Variants in KIZ observed in about 807,000 individuals in gnomAD.
The protein encoded by KIZ is centrosomal protein kizuna.
Under a neutral mutation model 79.6 loss-of-function variants are expected in KIZ, and 68 were observed. That is an observed-to-expected ratio of 0.85 (90% CI 0.70 to 1.05). The LOEUF (loss-of-function observed/expected upper bound fraction) is 1.05, where lower values mean the gene tolerates loss of function less well. KIZ is among the 50% of genes least tolerant of loss of function. KIZ has a pLI of 0.00. For missense variants in KIZ, 797 were observed against 800.4 expected, an observed-to-expected ratio of 1.00 and a Z score of 0.05; for synonymous variants, 280 against 281.8, an observed-to-expected ratio of 0.99 and a Z score of 0.06.
chr20:21,190,462 G>A (rs1049314652), intron 6 of KIZ, among the ~76,000 whole-genome samples: 1 of 152,212 alleles, frequency 6.6e-6, no homozygotes, highest in African/African-American at 2.4e-5. Flanking sequence ...CTGGTTCCCA[G>A]TTGAATTTGT....
chr20:21,188,680 A>ATTTTATTTTATTTTAT (rs370991786), intron 6 of KIZ, among the ~76,000 whole-genome samples: 5 of 145,488 alleles, frequency 3.4e-5, no homozygotes, highest in African/African-American at 1.3e-4. Context: ...ATTTTATTTT[A>ATTTTATTTTATTTTAT]TTTATTTATT....
chr20:21,166,070 A>G (rs2033918201), intron 6 of KIZ: 3 of 618,494 alleles, frequency 4.9e-6, no homozygotes, highest in South Asian at 2.0e-5. Context: ...GGGTTCAAGC[A>G]ATTCTCCTGC....
At chr20:21,158,009 G>C (rs918042172) in intron 4 of KIZ, among the ~76,000 whole-genome samples, 2 of 152,118 alleles carry the variant, frequency 1.3e-5, no homozygotes, top group African/African-American at 4.8e-5. Context: ...AGCCCTTTTA[G>C]CCCTGCTAAA....
chr20:21,168,536 C>A (rs578072903), intron 6 of KIZ, among the ~76,000 whole-genome samples: 78 of 152,232 alleles, frequency 5.1e-4, no homozygotes, highest in African/African-American at 1.8e-3. Context: ...CAATGCCATC[C>A]CCATCAAGCT....
Position 21,162,106 on chromosome 20 carries a change from A to ACACACAGT in KIZ, c.642_649dup (p.Cys217SerfsTer5), listed in dbSNP as rs1568932785. The ACACACAGT allele has an allele frequency of 6.2e-7, 1 of 1,613,628 alleles. No homozygotes were observed. The highest frequency in any genetic ancestry group is 1.1e-5 in the South Asian group (1 of 91,058). On this transcript the variant is annotated frameshift_variant, in exon 5 of 13. Transcript: ENST00000619189. LOFTEE classifies it high-confidence loss of function. ...AGCTGTGTAGTACAAACTAGTAATG[A>ACACACAGT]CACACAGTGCTTAAATAAGTCTGAC...
intron 3 of KIZ, 109 bp downstream of exon 3, chr20:21,136,661 G>T: frequency 1.4e-6 from 1 of 730,536 alleles, no homozygotes. Flanking sequence ...TTGAACACCT[G>T]GGCTCAAGCA....
intron 7 of KIZ, among the ~76,000 whole-genome samples, chr20:21,213,323 A>G (rs1001830141): frequency 1.3e-5 from 2 of 152,110 alleles, no homozygotes; most frequent in African/African-American, 4.8e-5. Flanking sequence ...TCCCTGTCGG[A>G]GTGTCTTCAC....
chr20:21,208,065 G>A (rs1452280921), intron 7 of KIZ, among the ~76,000 whole-genome samples: 1 of 152,150 alleles, frequency 6.6e-6, no homozygotes, highest in African/African-American at 2.4e-5. Context: ...TTGTCCCTTT[G>A]AGTTAGCACT....
At chr20:21,146,749 T>C (rs1460101935) in intron 4 of KIZ, among the ~76,000 whole-genome samples, 1 of 152,112 alleles carries the variant, frequency 6.6e-6, no homozygotes, top group African/African-American at 2.4e-5. Context: ...AAGGTTTTAG[T>C]TTTTCTTTCT....
intron 4 of KIZ, among the ~76,000 whole-genome samples, chr20:21,156,496 A>G (rs934808235): frequency 3.3e-5 from 5 of 152,220 alleles, no homozygotes; most frequent in Admixed American, 6.6e-5. Context: ...GCTGGTGTCA[A>G]CAAACCTAGT....
At chr20:21,186,320 G>A (rs924528002) in intron 6 of KIZ, among the ~76,000 whole-genome samples, 7 of 151,812 alleles carry the variant, frequency 4.6e-5, no homozygotes, top group Admixed American at 1.3e-4. Flanking sequence ...CACATCACAT[G>A]GACATATGAT....
intron 9 of KIZ, chr20:21,218,684 C>CT (rs2036393430): frequency 1.3e-5 from 2 of 152,200 alleles, no homozygotes; most frequent in Admixed American, 1.3e-4. Flanking sequence ...GTGGAACATA[C>CT]TTTGTGAAAC....
chr20:21,203,993 T>G (rs2035700001), intron 6 of KIZ, among the ~76,000 whole-genome samples: 1 of 151,960 alleles, frequency 6.6e-6, no homozygotes, highest in African/African-American at 2.4e-5. Context: ...AACTTCTATC[T>G]TTATGAATTT....
intron 2 of KIZ, among the ~76,000 whole-genome samples, 197 bp from the exon 3 acceptor site, chr20:21,136,193 A>C (rs73131618): frequency 0.015 from 2,342 of 152,186 alleles, 39 homozygotes; most frequent in Middle Eastern, 0.041. Flanking sequence ...GAGGAAACCG[A>C]TATGATACCT....
intron 9 of KIZ, among the ~76,000 whole-genome samples, chr20:21,220,590 T>A (rs1247653882): frequency 1.3e-5 from 2 of 152,098 alleles, no homozygotes; most frequent in African/African-American, 2.4e-5. Context: ...TTCAAGCGAT[T>A]CTCGTGCCAC....
At chr20:21,188,865 A>G (rs151216098) in intron 6 of KIZ, among the ~76,000 whole-genome samples, 1 of 151,326 alleles carries the variant, frequency 6.6e-6, no homozygotes, top group Admixed American at 6.6e-5. Flanking sequence ...ACGCCCAGCT[A>G]ATTTTTGTGT....
chr20:21,239,143 G>C (rs139554773), intron 11 of KIZ, among the ~76,000 whole-genome samples: 1 of 152,330 alleles, frequency 6.6e-6, no homozygotes, highest in East Asian at 1.9e-4. Context: ...CTTCCAGGAA[G>C]GCATTACTGT....
At chr20:21,215,250 CTATG>C (rs1345629553) in intron 8 of KIZ, among the ~76,000 whole-genome samples, 1 of 152,148 alleles carries the variant, frequency 6.6e-6, no homozygotes, top group Non-Finnish European at 1.5e-5. Context: ...TCCAAGACAG[CTATG>C]AATTCCTCAG....
At chr20:21,165,151 G>A (rs1442214016) in intron 6 of KIZ, among the ~76,000 whole-genome samples, 1 of 152,122 alleles carries the variant, frequency 6.6e-6, no homozygotes, top group Non-Finnish European at 1.5e-5. Context: ...GGTCTGTTGG[G>A]GGCCTGGAGA....
Sources: gnomAD v4.1 joint callset for allele counts (sites outside exome capture counted in the v4.1 genomes callset) on GRCh38, gnomAD v4.1.1 for gene constraint, MANE v1.5 for transcripts, NCBI Gene and HGNC (gene_info 2026-07-23, HGNC 2026-07-21) for gene names.